Variants in SCFD2 observed in about 807,000 individuals in gnomAD.
SCFD2 encodes sec1 family domain containing 2.
Under a neutral mutation model 58.9 loss-of-function variants are expected in SCFD2, and 54 were observed. The ratio of observed to expected loss-of-function variants is 0.92; its 90% CI spans 0.74 to 1.15. The LOEUF (loss-of-function observed/expected upper bound fraction) is 1.15. SCFD2 is among the 50% of genes most tolerant of loss of function. SCFD2 has a pLI of 0.00. For synonymous variants in SCFD2, 321 were observed against 335.9 expected (o/e 0.96, Z 0.49); for missense variants, 805 against 836.6 (o/e 0.96, Z 0.47).
At chr4:52,954,853 A>T (rs1720674109) in intron 5 of SCFD2, among the ~76,000 whole-genome samples, 1 of 152,152 alleles carries the variant, frequency 6.6e-6, no homozygotes, top group African/African-American at 2.4e-5. Context: ...CATAAAAGAG[A>T]CATGGAAGAG....
chr4:52,995,953 A>C (rs765199913), intron 5 of SCFD2, among the ~76,000 whole-genome samples: 7 of 152,204 alleles, frequency 4.6e-5, no homozygotes, highest in Non-Finnish European at 1.0e-4. Context: ...GGTCCTGCTG[A>C]TGGCAGTAAA....
chr4:52,873,828 G>A lies in SCFD2; in HGVS notation c.*141C>T. 1.6e-6 allele frequency: 1 copy of A among 617,608 alleles called. No individual in the cohort carries two copies. The highest frequency in any genetic ancestry group is 1.8e-5 in the African/African-American group (1 of 55,082). 38.3% of individuals were successfully genotyped at this position (617,608 alleles called of 1,614,324 possible). ...CCAAGCAAAGTACCTCACTGAGTAG[G>A]TATCAAGACCCTTCAGGCAGAATTC... On this transcript the variant is annotated 3_prime_UTR_variant, in exon 9 of 9. Transcript: ENST00000401642.
intron 4 of SCFD2, among the ~76,000 whole-genome samples, chr4:53,206,829 T>C (rs1728420362): frequency 6.6e-6 from 1 of 152,164 alleles, no homozygotes; most frequent in Admixed American, 6.5e-5. Flanking sequence ...TTTAAAGCTA[T>C]ATGCATGAGT....
chr4:53,034,111 C>G (rs1203388836), intron 5 of SCFD2, among the ~76,000 whole-genome samples: 1 of 152,168 alleles, frequency 6.6e-6, no homozygotes, highest in Non-Finnish European at 1.5e-5. Flanking sequence ...AAAGCTTATC[C>G]ACCATGATCA....
intron 5 of SCFD2, among the ~76,000 whole-genome samples, chr4:53,087,725 T>A (rs1162285738): frequency 6.7e-6 from 1 of 148,504 alleles, no homozygotes; most frequent in African/African-American, 2.5e-5. Context: ...AATGGCATGA[T>A]CTCGGCTCAC....
At chr4:53,122,571 G>A (rs771266779) in intron 5 of SCFD2, among the ~76,000 whole-genome samples, 97 of 152,210 alleles carry the variant, frequency 6.4e-4, no homozygotes, top group Non-Finnish European at 9.7e-4. Flanking sequence ...AGGGAATGTC[G>A]GAGCCTCTCG....
chr4:53,066,095 G>T (rs191413426), intron 5 of SCFD2, among the ~76,000 whole-genome samples: 3 of 151,956 alleles, frequency 2.0e-5, no homozygotes, highest in Non-Finnish European at 4.4e-5. Context: ...CAATTTCACC[G>T]TGAAAATAAT....
At chr4:53,228,636 T>A (rs1729311604) in intron 4 of SCFD2, among the ~76,000 whole-genome samples, 1 of 152,130 alleles carries the variant, frequency 6.6e-6, no homozygotes, top group South Asian at 2.1e-4. Context: ...TAATAAGAGC[T>A]ATTTATGACA....
intron 4 of SCFD2, among the ~76,000 whole-genome samples, chr4:53,254,072 A>C (rs931076426): frequency 1.3e-4 from 20 of 152,160 alleles, no homozygotes; most frequent in African/African-American, 4.1e-4. Context: ...GAGGGGAACA[A>C]CACACACTGG....
At chr4:53,164,069 C>T (rs1295633427) in intron 4 of SCFD2, among the ~76,000 whole-genome samples, 2 of 152,108 alleles carry the variant, frequency 1.3e-5, no homozygotes, top group African/African-American at 4.8e-5. Context: ...CAAGATAATA[C>T]CACACACCTC....
chr4:53,100,253 CAATGT>C (rs1466710984), intron 5 of SCFD2, among the ~76,000 whole-genome samples: 1 of 152,050 alleles, frequency 6.6e-6, no homozygotes, highest in African/African-American at 2.4e-5. Flanking sequence ...CTCATCTGTT[CAATGT>C]AGGATAATAA....
At chr4:53,045,527 TA>T (rs2148827540) in intron 5 of SCFD2, among the ~76,000 whole-genome samples, 1 of 152,280 alleles carries the variant, frequency 6.6e-6, no homozygotes, top group East Asian at 1.9e-4. Context: ...AATAAATTTA[TA>T]AATAAAAATA....
chr4:53,344,247 A>G (rs1733983797), intron 2 of SCFD2, among the ~76,000 whole-genome samples: 1 of 152,212 alleles, frequency 6.6e-6, no homozygotes, highest in South Asian at 2.1e-4. Flanking sequence ...CAACTTCAGC[A>G]AAGTCTCAGG....
intron 4 of SCFD2, among the ~76,000 whole-genome samples, chr4:53,260,115 T>C (rs1356777685): frequency 6.6e-6 from 1 of 152,178 alleles, no homozygotes; most frequent in Non-Finnish European, 1.5e-5. Context: ...TTACCAGTTT[T>C]AGGAGCTTTT....
chr4:52,963,507 T>C (rs954376816), intron 5 of SCFD2, among the ~76,000 whole-genome samples: 1 of 152,246 alleles, frequency 6.6e-6, no homozygotes, highest in African/African-American at 2.4e-5. Flanking sequence ...AAAGAATATT[T>C]TTAACTTGAT....
chr4:53,290,843 T>C lies in SCFD2; in HGVS notation c.1136-16842A>G, dbSNP rs969735491. 8.5e-5 allele frequency among the ~76,000 whole-genome samples: 13 copies of C among 152,088 alleles called. 1 individual carries two copies. Among genetic ancestry groups the C allele is most frequent in the Admixed American group, 7.9e-4 (12 of 15,272 alleles). ...AACAATTTTATGCCAACAAGTTGGA[T>C]AACCTAGAGAAAATTGATAAATTTC... On this transcript the variant is annotated intron_variant, in intron 3 of 8. Coordinates refer to ENST00000401642, the MANE Select transcript of SCFD2 (RefSeq NM_152540.4).
chr4:53,125,952 C>A (rs1199122713), intron 5 of SCFD2, among the ~76,000 whole-genome samples: 1 of 152,140 alleles, frequency 6.6e-6, no homozygotes, highest in Non-Finnish European at 1.5e-5. Flanking sequence ...ACAGATTTGT[C>A]AAGGAACATT....
chr4:53,287,197 C>T (rs1731696700), intron 3 of SCFD2, among the ~76,000 whole-genome samples: 1 of 152,116 alleles, frequency 6.6e-6, no homozygotes, highest in Admixed American at 6.5e-5. Flanking sequence ...AACCTGTGCC[C>T]ACATCACAGG....
chr4:53,256,133 T>C (rs7669327), intron 4 of SCFD2, among the ~76,000 whole-genome samples: 16,477 of 145,234 alleles, frequency 0.11, 1,009 homozygotes, highest in East Asian at 0.22. Context: ...CCAGACGGGG[T>C]GGCTGCCGGA....
Sources: allele counts gnomAD v4.1 joint callset (sites outside exome capture counted in the v4.1 genomes callset), GRCh38; gene constraint gnomAD v4.1.1; transcripts MANE v1.5; gene names NCBI Gene and HGNC (gene_info 2026-07-23, HGNC 2026-07-21).